EFHC1: variants seen among roughly 807,000 people sequenced by gnomAD.
The protein encoded by EFHC1 is EF-hand domain-containing protein 1.
Under a neutral mutation model 69.9 loss-of-function variants are expected in EFHC1, and 53 were observed. The ratio of observed to expected loss-of-function variants is 0.76; its 90% CI spans 0.61 to 0.95. The LOEUF is 0.95. Among genes scored for constraint, EFHC1 ranks in the 40% least tolerant of loss-of-function variants. EFHC1 has a pLI of 0.00. For synonymous variants in EFHC1, 256 were observed against 278.4 expected, an observed-to-expected ratio of 0.92 and a Z score of 0.80; for missense variants, 739 against 798.7, an observed-to-expected ratio of 0.93 and a Z score of 0.90.
chr6:52,487,230 GGTATA>G (rs1184311526), intron 9 of EFHC1: 1 of 152,038 alleles, frequency 6.6e-6, no homozygotes, highest in Non-Finnish European at 1.5e-5. Flanking sequence ...CTGACCCCTT[GGTATA>G]GTCTTTAGTT....
chr6:52,443,034 C>T (rs1764700572), intron 3 of EFHC1, among the ~76,000 whole-genome samples: 1 of 152,170 alleles, frequency 6.6e-6, no homozygotes, highest in Non-Finnish European at 1.5e-5. Flanking sequence ...TCTCTGATGG[C>T]CAGTGATGAT....
At chr6:52,432,361 T>G (rs1764435452) in intron 2 of EFHC1, among the ~76,000 whole-genome samples, 1 of 152,220 alleles carries the variant, frequency 6.6e-6, no homozygotes, top group African/African-American at 2.4e-5. Flanking sequence ...GTTTCAAGAT[T>G]CAGAGCTCTT....
intron 3 of EFHC1, 22 bp from the exon 4 acceptor site, chr6:52,452,666 T>C (rs768423329): frequency 4.3e-6 from 7 of 1,613,356 alleles, no homozygotes; most frequent in Non-Finnish European, 5.9e-6. Flanking sequence ...AAGATGATCA[T>C]TGTTAACTTT....
chr6:52,492,211 G>T (rs979813187), intron 10 of EFHC1, 59 bp from the exon 11 acceptor site: 112 of 1,493,442 alleles, frequency 7.5e-5, no homozygotes, highest in Non-Finnish European at 9.9e-5. Flanking sequence ...GCACTCTGCA[G>T]TTGAGCTGAC....
At chr6:52,484,382 C>G (rs1253129004) in intron 9 of EFHC1, 2 of 152,096 alleles carry the variant, frequency 1.3e-5, no homozygotes, top group African/African-American at 4.8e-5. Context: ...ACGATAAACC[C>G]ATTTCATGTC....
At chr6:52,481,035 A>G (rs1765662177) in intron 9 of EFHC1, among the ~76,000 whole-genome samples, 1 of 152,192 alleles carries the variant, frequency 6.6e-6, no homozygotes, top group South Asian at 2.1e-4. Flanking sequence ...TGTTGAAAGT[A>G]GATTAGGAGA....
At chr6:52,475,597 A>T (rs1468395994) in intron 7 of EFHC1, among the ~76,000 whole-genome samples, 3 of 152,242 alleles carry the variant, frequency 2.0e-5, no homozygotes, top group African/African-American at 7.2e-5. Flanking sequence ...GGTGTTTGTT[A>T]AGAAAATATT....
intron 7 of EFHC1, among the ~76,000 whole-genome samples, chr6:52,478,210 G>A (rs867754244): frequency 2.0e-5 from 3 of 151,714 alleles, no homozygotes; most frequent in Non-Finnish European, 4.4e-5. Flanking sequence ...TCACTCATAG[G>A]TGGGAATTGA....
intron 3 of EFHC1, among the ~76,000 whole-genome samples, chr6:52,446,739 C>T (rs1764796082): frequency 6.6e-6 from 1 of 152,110 alleles, no homozygotes; most frequent in African/African-American, 2.4e-5. Context: ...TTCAGGAGTT[C>T]TTTTAGGGCA....
chr6:52,449,958 G>A (rs901779214), intron 3 of EFHC1, among the ~76,000 whole-genome samples: 5 of 151,672 alleles, frequency 3.3e-5, no homozygotes, highest in African/African-American at 4.9e-5. Context: ...ATAAATTTCC[G>A]TCTTAATACT....
intron 3 of EFHC1, among the ~76,000 whole-genome samples, chr6:52,450,446 T>C (rs1349982438): frequency 1.3e-5 from 2 of 152,212 alleles, no homozygotes; most frequent in South Asian, 2.1e-4. Flanking sequence ...CCAAGTCTCA[T>C]TGTAGATATC....
chr6:52,427,797 G>A (rs1764333614), intron 2 of EFHC1, among the ~76,000 whole-genome samples: 1 of 152,124 alleles, frequency 6.6e-6, no homozygotes, highest in African/African-American at 2.4e-5. Flanking sequence ...TTATAATAAT[G>A]TAAAATTAAA....
At chr6:52,477,105 TC>T (rs989730199) in intron 7 of EFHC1, among the ~76,000 whole-genome samples, 3 of 151,706 alleles carry the variant, frequency 2.0e-5, no homozygotes, top group African/African-American at 7.3e-5. Context: ...ATTACCATTG[TC>T]CCCCCCAACC....
At chr6:52,485,822 A>G (rs1765774069) in intron 9 of EFHC1, 1 of 152,172 alleles carries the variant, frequency 6.6e-6, no homozygotes, top group Non-Finnish European at 1.5e-5. Flanking sequence ...CAGAACTCTG[A>G]GCCAAATAAG....
chr6:52,445,600 A>G (rs1764766164), intron 3 of EFHC1, among the ~76,000 whole-genome samples: 1 of 152,042 alleles, frequency 6.6e-6, no homozygotes. Context: ...GCCTTCTGCT[A>G]GCTTTTGAAT....
chr6:52,453,658 GC>G, intron 4 of EFHC1: 6 of 1,250,076 alleles, frequency 4.8e-6, no homozygotes, highest in Non-Finnish European at 5.1e-6. Flanking sequence ...TTATATTATT[GC>G]TAGAAGATAT....
intron 4 of EFHC1, 171 bp downstream of exon 4, chr6:52,453,008 G>A (rs1043682195): frequency 1.3e-6 from 2 of 1,543,218 alleles, no homozygotes; most frequent in Admixed American, 1.9e-5. Context: ...TACAGGTACA[G>A]GAATGCCTAC....
At chr6:52,480,947 G>A (rs1375410413) in intron 9 of EFHC1, among the ~76,000 whole-genome samples, 2 of 152,186 alleles carry the variant, frequency 1.3e-5, no homozygotes, top group East Asian at 1.9e-4. Context: ...AATGAAATGA[G>A]CCATTGGGAG....
At chr6:52,489,683 A>G (rs1765855208) in intron 9 of EFHC1, among the ~76,000 whole-genome samples, 1 of 152,206 alleles carries the variant, frequency 6.6e-6, no homozygotes, top group South Asian at 2.1e-4. Flanking sequence ...GAGAGGGAAT[A>G]ATATTAAAAC....
Sources: gnomAD v4.1 joint callset for allele counts (sites outside exome capture counted in the v4.1 genomes callset) on GRCh38, gnomAD v4.1.1 for gene constraint, MANE v1.5 for transcripts, NCBI Gene and HGNC (gene_info 2026-07-23, HGNC 2026-07-21) for gene names.